Variants in RNF183 observed in about 807,000 individuals in gnomAD.
RNF183 encodes E3 ubiquitin-protein ligase RNF183.
In RNF183, 4 loss-of-function variants were observed where a neutral mutation model predicts 9.0. That is an observed-to-expected ratio of 0.44 (90% CI 0.22 to 1.01). The LOEUF is 1.01. Ranked by LOEUF, RNF183 falls within the 50% of genes least tolerant of loss-of-function variation. The pLI, the probability that RNF183 is intolerant of heterozygous loss-of-function variation, is 0.25. For synonymous variants in RNF183, 102 were observed against 107.5 expected (o/e 0.95, Z 0.32); for missense variants, 227 against 253.6 (o/e 0.89, Z 0.71).
intron 3 of RNF183, among the ~76,000 whole-genome samples, chr9:113,300,975 A>T (rs927912807): frequency 6.6e-6 from 1 of 152,120 alleles, no homozygotes; most frequent in Non-Finnish European, 1.5e-5. Context: ...AGGGGATGGG[A>T]TAAGTGATAT....
Position 113,298,234 on chromosome 9 carries a change from G to A in RNF183, c.-37-13C>T. On this transcript the variant is annotated splice_polypyrimidine_tract_variant and intron_variant, in intron 4 of 4. Transcript: ENST00000489339. The surrounding 1 kb of genome is among the most constrained non-coding windows in gnomAD (Gnocchi z 4.9). Reference sequence around the variant, plus strand: ...CGCGGGAGACGTCCTGGCAGAAGGGGGAAAGGAGCAAAGGAACAGCCATGA... The same window carrying A: ...CGCGGGAGACGTCCTGGCAGAAGGGAGAAAGGAGCAAAGGAACAGCCATGA... The A allele has an allele frequency of 1.3e-6, 2 of 1,487,460 alleles. No individual in the cohort carries two copies. The highest frequency in any genetic ancestry group is 2.3e-5 in the East Asian group (1 of 44,202). The allele number at this position is 1,487,460 out of a possible 1,614,324, so 92.1% of individuals were successfully genotyped here. A position where few individuals can be genotyped will look rare whatever the true frequency, so the allele number is the denominator to read the frequency against.
rs779511407 is a variant in RNF183, at chr9:113,298,131, G to T, written c.54C>A (p.Asn18Lys). ...GGGTATGGAACGTGTTGTTGAAGGG[G>T]TTCCAGCAGACGGGGCACTCAGCCT... ...ELEAECPVCW[N>K]PFNNTFHTPK... is the part of the protein sequence containing the mutation. The change falls in exon 5 of 5, where the codon AAC (asparagine) becomes AAA (lysine). Residue 18 changes from asparagine to lysine, a missense_variant. By Grantham distance (94) the Asn-to-Lys change is moderately conservative. Coordinates refer to ENST00000489339, the MANE Select transcript of RNF183 (RefSeq NM_001371237.1). This position sits in a 1 kb window ranked among gnomAD's most constrained non-coding sequence, Gnocchi z 4.9. 6.2e-7 allele frequency: 1 copy of T among 1,614,042 alleles called. No individual in the cohort carries two copies. Among genetic ancestry groups the T allele is most frequent in the Admixed American group, 1.7e-5 (1 of 60,010 alleles).
chr9:113,300,728 G>T (rs185829398), intron 3 of RNF183, among the ~76,000 whole-genome samples: 4 of 152,124 alleles, frequency 2.6e-5, no homozygotes, highest in South Asian at 2.1e-4. Context: ...TAGGCAAGGT[G>T]GGAGGGTATA....
intron 4 of RNF183, 118 bp downstream of exon 4, chr9:113,299,454 C>T (rs1832848147): frequency 1.3e-5 from 2 of 152,240 alleles, no homozygotes; most frequent in African/African-American, 4.8e-5. Flanking sequence ...CTGCTCAGCA[C>T]TTTGGTTGCT....
Position 113,297,485 on chromosome 9 carries a change from A to T in RNF183, c.*121T>A. The T allele has an allele frequency of 1.5e-6, 1 of 673,508 alleles. No individual in the cohort carries two copies. The highest frequency in any genetic ancestry group is 2.5e-6 in the Non-Finnish European group (1 of 407,776). The allele number at this position is 673,508 out of a possible 1,614,324, so 41.7% of individuals were successfully genotyped here. On this transcript the variant is annotated 3_prime_UTR_variant, in exon 5 of 5. Coordinates refer to ENST00000489339, the MANE Select transcript of RNF183 (RefSeq NM_001371237.1). ...TTCCCAGAAGCAAACACATGGCCTG[A>T]ACAATCCCTGGATTGTAAAATAAAC...
chr9:113,297,601 A>G lies in RNF183; in HGVS notation c.*5T>C. 1 of 1,568,898 alleles carries G rather than the reference A, an allele frequency of 6.4e-7. No individual in the cohort carries two copies. Among genetic ancestry groups the G allele is most frequent in the Non-Finnish European group, 8.7e-7 (1 of 1,155,294 alleles). On this transcript the variant is annotated 3_prime_UTR_variant, in exon 5 of 5. Coordinates refer to ENST00000489339, the MANE Select transcript of RNF183 (RefSeq NM_001371237.1). Reference sequence around the variant, plus strand: ...AAGGTTTGGTTTCTTGTCTGGGAACAGCACTCACCCCACACCCCAAAGGAA... The same window carrying G: ...AAGGTTTGGTTTCTTGTCTGGGAACGGCACTCACCCCACACCCCAAAGGAA...
In RNF183 at chr9:113,302,330, G is replaced by C. The variant is rs1255781585; in HGVS notation, c.-440-17C>G. On this transcript the variant is annotated splice_polypyrimidine_tract_variant and intron_variant, in intron 1 of 4. Coordinates refer to ENST00000489339, the MANE Select transcript of RNF183 (RefSeq NM_001371237.1). ...CAGGATCAGCTGGGGAGAGATTCTG[G>C]CCATGTATCACCTCCACCCCAAGCC... 2 of 152,260 alleles carry C rather than the reference G, an allele frequency of 1.3e-5. No homozygotes were observed. The highest frequency in any genetic ancestry group is 3.9e-4 in the East Asian group (2 of 5,168). The allele number at this position is 152,260 out of a possible 1,614,324, so 9.4% of individuals were successfully genotyped here. A position where few individuals can be genotyped will look rare whatever the true frequency, so the allele number is the denominator to read the frequency against.
In RNF183 at chr9:113,297,240, T is replaced by C. The variant is rs116420057; in HGVS notation, c.*366A>G. 1,553 of 159,216 alleles carry C rather than the reference T, an allele frequency of 9.8e-3. 29 individuals carry two copies. Among genetic ancestry groups the C allele is most frequent in the African/African-American group, 0.035 (1,464 of 41,638 alleles). 9.9% of individuals were successfully genotyped at this position (159,216 alleles called of 1,614,324 possible). On this transcript the variant is annotated 3_prime_UTR_variant, in exon 5 of 5. Coordinates refer to ENST00000489339, the MANE Select transcript of RNF183 (RefSeq NM_001371237.1). ...AGTAAAAGAGCAACTCAAAAAAATA[T>C]GCACTGATTTTGAAGCAGCTCCAGT... is the stretch of plus-strand genomic sequence containing the variant.
In RNF183 at chr9:113,298,164, C is replaced by A. The variant is rs768802776; in HGVS notation, c.21G>T (p.Arg7=). The stretch of plus-strand genomic sequence containing the variant: ...AGACGGGGCACTCAGCCTCAAGCTC[C>A]CGGCCCTGCTGCTCAGCCATCCTCA... MAEQQG[R]ELEAECPVCW... Residue 7 remains arginine, a synonymous_variant, in exon 5 of 5, where the codon CGG becomes CGT. Transcript: ENST00000489339. This position sits in a 1 kb window ranked among gnomAD's most constrained non-coding sequence, Gnocchi z 4.9. 1 of 1,612,602 alleles carries A rather than the reference C, an allele frequency of 6.2e-7. No homozygotes were observed.
chr9:113,297,617 C>G lies in RNF183; in HGVS notation c.568G>C (p.Gly190Arg). 2 of 1,597,332 alleles carry G rather than the reference C, an allele frequency of 1.3e-6. No homozygotes were observed. The highest frequency in any genetic ancestry group is 2.7e-5 in the African/African-American group (2 of 74,744). The change falls in exon 5 of 5, where the codon GGT (glycine) becomes CGT (arginine). Residue 190 changes from glycine (G) to arginine (R), a missense_variant. By Grantham distance (125) the Gly-to-Arg change is moderately radical (BLOSUM62 -2). Transcript: ENST00000489339. ...SIFWTKQFLW[G>R]VG ...TCTGGGAACAGCACTCACCCCACAC[C>G]CCAAAGGAACTGCTTGGTCCAAAAG...
chr9:113,300,112 G>A (rs1167358077), intron 3 of RNF183, among the ~76,000 whole-genome samples: 1 of 152,194 alleles, frequency 6.6e-6, no homozygotes, highest in South Asian at 2.1e-4. Context: ...TACCCCGACT[G>A]AGCCGATGTC....
chr9:113,300,596 G>T (rs1003574038), intron 3 of RNF183, among the ~76,000 whole-genome samples: 4 of 152,148 alleles, frequency 2.6e-5, no homozygotes, highest in African/African-American at 9.7e-5. Flanking sequence ...ATCCAGCCAC[G>T]CACAGTGGAG....
chr9:113,297,393 AC>A lies in RNF183; in HGVS notation c.*212del. On this transcript the variant is annotated 3_prime_UTR_variant, in exon 5 of 5. Transcript: ENST00000489339. The stretch of plus-strand genomic sequence containing the variant: ...TGCCCTTCCATGACGCCACACTCAC[AC>A]CCGGAGGTCGCTCCACATCTCCCAG... 1 of 405,824 alleles carries A rather than the reference AC, an allele frequency of 2.5e-6. No individual in the cohort carries two copies. The highest frequency in any genetic ancestry group is 4.4e-5 in the East Asian group (1 of 22,818). 25.1% of individuals were successfully genotyped at this position (405,824 alleles called of 1,614,324 possible).
At position 113,298,116 on chromosome 9, in the gene RNF183, C is replaced by T. The variant is rs185096359; in HGVS notation, c.69G>A (p.Thr23=). The change falls in exon 5 of 5, where the codon ACG becomes ACA. Residue 23 remains threonine (T), a synonymous_variant. Coordinates refer to ENST00000489339, the MANE Select transcript of RNF183 (RefSeq NM_001371237.1). The surrounding 1 kb of genome is among the most constrained non-coding windows in gnomAD (Gnocchi z 4.9). ...CPVCWNPFNN[T]FHTPKMLDCC... ...AATCCAGCATTTTGGGGGTATGGAA[C>T]GTGTTGTTGAAGGGGTTCCAGCAGA... 42 of 1,613,974 alleles carry T rather than the reference C, an allele frequency of 2.6e-5. No individual in the cohort carries two copies. The East Asian group carries it at 3.3e-4, about 13-fold the overall frequency.
Position 113,298,386 on chromosome 9 carries a change from G to T in RNF183, c.-37-165C>A. 1.7e-6 allele frequency: 1 copy of T among 585,344 alleles called. No individual in the cohort carries two copies. The highest frequency in any genetic ancestry group is 3.0e-6 in the Non-Finnish European group (1 of 329,818). 36.3% of individuals were successfully genotyped at this position (585,344 alleles called of 1,614,324 possible). On this transcript the variant is annotated intron_variant, in intron 4 of 4. Coordinates refer to ENST00000489339, the MANE Select transcript of RNF183 (RefSeq NM_001371237.1). The surrounding 1 kb of genome is among the most constrained non-coding windows in gnomAD (Gnocchi z 4.9). ...ACCAGTTCCTAACCCATCGAGTTGA[G>T]TCAAATGCTCCTACAGCCTCCCCTC... is the stretch of plus-strand genomic sequence containing the variant.
intron 3 of RNF183, among the ~76,000 whole-genome samples, chr9:113,300,724 A>G (rs1370286904): frequency 6.6e-6 from 1 of 152,122 alleles, no homozygotes; most frequent in Admixed American, 6.5e-5. Context: ...GGAGTAGGCA[A>G]GGTGGGAGGG....
chr9:113,298,301 G>A lies in RNF183; in HGVS notation c.-37-80C>T. 1.2e-6 allele frequency: 1 copy of A among 807,162 alleles called. No individual in the cohort carries two copies. The highest frequency in any genetic ancestry group is 2.0e-6 in the Non-Finnish European group (1 of 493,176). 50.0% of individuals were successfully genotyped at this position (807,162 alleles called of 1,614,324 possible). A position where few individuals can be genotyped will look rare whatever the true frequency, so the allele number is the denominator to read the frequency against. On this transcript the variant is annotated intron_variant, in intron 4 of 4. Transcript: ENST00000489339. This position sits in a 1 kb window ranked among gnomAD's most constrained non-coding sequence, Gnocchi z 4.9. ...TTGGCCTGGGGCAAAGTGTTCTGTG[G>A]GTGTTGAAAGGTGTAATCACCACGT...
chr9:113,300,697 A>G (rs1832891376), intron 3 of RNF183, among the ~76,000 whole-genome samples: 1 of 152,252 alleles, frequency 6.6e-6, no homozygotes, highest in South Asian at 2.1e-4. Context: ...GCCCAGGGTG[A>G]TCAAGGTGTG....
Position 113,298,131 on chromosome 9 carries a change from G to A in RNF183, c.54C>T (p.Asn18=). The A allele has an allele frequency of 6.2e-7, 1 of 1,614,042 alleles. No homozygotes were observed. Among genetic ancestry groups the A allele is most frequent in the Non-Finnish European group, 8.5e-7 (1 of 1,179,992 alleles). The change falls in exon 5 of 5, where the codon AAC becomes AAT. Residue 18 remains asparagine (N), a synonymous_variant. Coordinates refer to ENST00000489339, the MANE Select transcript of RNF183 (RefSeq NM_001371237.1). The surrounding 1 kb of genome is among the most constrained non-coding windows in gnomAD (Gnocchi z 4.9). ...ELEAECPVCW[N]PFNNTFHTPK... is the part of the protein sequence containing the mutation. ...GGGTATGGAACGTGTTGTTGAAGGG[G>A]TTCCAGCAGACGGGGCACTCAGCCT...
Sources: allele counts gnomAD v4.1 joint callset (sites outside exome capture counted in the v4.1 genomes callset), GRCh38; gene constraint gnomAD v4.1.1; non-coding constraint Gnocchi (gnomAD v3.1); transcripts MANE v1.5; gene names NCBI Gene and HGNC (gene_info 2026-07-23, HGNC 2026-07-21).